Variants in CSMD1 observed in about 807,000 individuals in gnomAD.
CSMD1 encodes CUB and sushi domain-containing protein 1.
A neutral mutation model predicts 417.5 loss-of-function variants in CSMD1; 213 were observed. The ratio of observed to expected loss-of-function variants is 0.51; its 90% CI spans 0.46 to 0.57. The LOEUF is 0.57. CSMD1 is among the 20% of genes least tolerant of loss of function. The pLI, the probability that CSMD1 is intolerant of heterozygous loss-of-function variation, is 0.00. For synonymous variants in CSMD1, 2,862 were observed against 1,736.8 expected (o/e 1.65, Z -16.11); for missense variants, 6,923 against 4,529.7 (o/e 1.53, Z -15.17).
intron 25 of CSMD1, among the ~76,000 whole-genome samples, chr8:3,297,890 CTG>C (rs1804090715): frequency 1.3e-5 from 2 of 151,840 alleles, no homozygotes; most frequent in African/African-American, 4.8e-5. Context: ...AATTAAAAAC[CTG>C]TGTTTATCAA....
chr8:3,557,055 A>G (rs984217731), intron 10 of CSMD1, among the ~76,000 whole-genome samples: 2 of 152,194 alleles, frequency 1.3e-5, no homozygotes, highest in Non-Finnish European at 2.9e-5. Context: ...ACTGTCAAAA[A>G]ACACAGAATG....
At chr8:3,677,057 G>T (rs538845615) in intron 7 of CSMD1, among the ~76,000 whole-genome samples, 29 of 152,100 alleles carry the variant, frequency 1.9e-4, no homozygotes, top group African/African-American at 7.0e-4. Context: ...AATGCATACG[G>T]GGCTTAAAAA....
chr8:3,565,665 A>C (rs955409591), intron 10 of CSMD1, among the ~76,000 whole-genome samples: 2 of 152,270 alleles, frequency 1.3e-5, no homozygotes, highest in Non-Finnish European at 2.9e-5. Flanking sequence ...TCCCTAAAAC[A>C]GATCTGATAA....
At chr8:4,785,285 G>C (rs887713272) in intron 1 of CSMD1, among the ~76,000 whole-genome samples, 1 of 152,084 alleles carries the variant, frequency 6.6e-6, no homozygotes, top group East Asian at 1.9e-4. Context: ...TTTCATAATG[G>C]GGCACATTGG....
intron 12 of CSMD1, among the ~76,000 whole-genome samples, chr8:3,433,916 T>G (rs1045089701): frequency 3.3e-5 from 5 of 152,192 alleles, no homozygotes; most frequent in Admixed American, 6.5e-5. Flanking sequence ...TGGACTAAGG[T>G]GCTCAACCCT....
intron 5 of CSMD1, among the ~76,000 whole-genome samples, chr8:3,852,389 A>C (rs1256915604): frequency 6.6e-6 from 1 of 152,130 alleles, no homozygotes; most frequent in Non-Finnish European, 1.5e-5. Context: ...AGCCAAGTGG[A>C]TGAGCATGTA....
chr8:3,959,592 A>G (rs1420068617), intron 5 of CSMD1, among the ~76,000 whole-genome samples: 9 of 152,196 alleles, frequency 5.9e-5, no homozygotes, highest in Admixed American at 2.0e-4. Context: ...TCTAAAAATA[A>G]TTTGACCAAA....
chr8:3,286,155 C>T (rs1803139784), intron 25 of CSMD1, among the ~76,000 whole-genome samples: 1 of 152,134 alleles, frequency 6.6e-6, no homozygotes, highest in Non-Finnish European at 1.5e-5. Flanking sequence ...AGGACATGAA[C>T]TCATACTTCT....
chr8:3,452,140 T>A (rs977574287), intron 12 of CSMD1, among the ~76,000 whole-genome samples: 3 of 152,266 alleles, frequency 2.0e-5, no homozygotes, highest in Non-Finnish European at 2.9e-5. Flanking sequence ...TTTATAAGAA[T>A]GCTTGTGATT....
At chr8:4,380,066 G>C (rs974693452) in intron 3 of CSMD1, among the ~76,000 whole-genome samples, 1 of 152,178 alleles carries the variant, frequency 6.6e-6, no homozygotes, top group Non-Finnish European at 1.5e-5. Context: ...TCCATATGAA[G>C]ATAAATGATT....
intron 1 of CSMD1, among the ~76,000 whole-genome samples, chr8:4,847,798 G>A (rs895233922): frequency 2.8e-5 from 4 of 145,450 alleles, no homozygotes; most frequent in Non-Finnish European, 6.0e-5. Flanking sequence ...TTTTTTTGAC[G>A]GCTTGAGATA....
At chr8:4,383,262 C>G (rs77643945) in intron 3 of CSMD1, among the ~76,000 whole-genome samples, 260 of 152,184 alleles carry the variant, frequency 1.7e-3, no homozygotes, top group African/African-American at 6.1e-3. Context: ...TTGTCTAGTA[C>G]AGTTTGTATT....
intron 1 of CSMD1, among the ~76,000 whole-genome samples, chr8:4,931,460 C>T (rs1338597101): frequency 2.0e-5 from 3 of 152,244 alleles, no homozygotes; most frequent in South Asian, 4.1e-4. Flanking sequence ...CCCAGCCTGC[C>T]CACCGTCTGT....
At chr8:4,123,936 T>G (rs955642828) in intron 3 of CSMD1, among the ~76,000 whole-genome samples, 3 of 152,154 alleles carry the variant, frequency 2.0e-5, no homozygotes, top group Non-Finnish European at 4.4e-5. Context: ...TTCTTATTTG[T>G]CAATTACAAC....
chr8:3,251,497 T>C (rs1263953151), intron 26 of CSMD1, among the ~76,000 whole-genome samples: 1 of 152,320 alleles, frequency 6.6e-6, no homozygotes, highest in Admixed American at 6.5e-5. Context: ...TCAGGTAGCA[T>C]GATGCCTCCA....
chr8:3,809,106 G>A (rs1800915551), intron 5 of CSMD1, among the ~76,000 whole-genome samples: 1 of 152,084 alleles, frequency 6.6e-6, no homozygotes, highest in African/African-American at 2.4e-5. Flanking sequence ...CTGCCACCGG[G>A]CACATGCTCT....
intron 1 of CSMD1, among the ~76,000 whole-genome samples, chr8:4,779,675 T>A (rs1230825228): frequency 6.6e-6 from 1 of 152,142 alleles, no homozygotes; most frequent in Non-Finnish European, 1.5e-5. Context: ...TAGTCTCCAT[T>A]GCAACATTTC....
intron 6 of CSMD1, among the ~76,000 whole-genome samples, chr8:3,737,563 C>T (rs1273667907): frequency 6.6e-6 from 1 of 152,160 alleles, no homozygotes; most frequent in South Asian, 2.1e-4. Flanking sequence ...CACAGAGTAG[C>T]ATATATCCTC....
At chr8:4,297,183 C>T (rs749383098) in intron 3 of CSMD1, among the ~76,000 whole-genome samples, 2 of 152,000 alleles carry the variant, frequency 1.3e-5, no homozygotes, top group African/African-American at 4.8e-5. Flanking sequence ...CTTTTACAAT[C>T]TAGAAATGTA....
Sources: gnomAD v4.1 joint callset for allele counts (sites outside exome capture counted in the v4.1 genomes callset) on GRCh38, gnomAD v4.1.1 for gene constraint, MANE v1.5 for transcripts, NCBI Gene and HGNC (gene_info 2026-07-23, HGNC 2026-07-21) for gene names.